The following FAM13A variants were observed in gnomAD, a reference collection of about 807,000 sequenced individuals.
FAM13A encodes the protein family with sequence similarity 13 member A, also known as protein FAM13A.
A neutral mutation model predicts 129.6 loss-of-function variants in FAM13A; 76 were observed. The ratio of observed to expected loss-of-function variants is 0.59; its 90% CI spans 0.49 to 0.71. FAM13A has a LOEUF of 0.71. Among genes scored for constraint, FAM13A ranks in the 30% least tolerant of loss-of-function variants. The pLI, the probability that FAM13A is intolerant of heterozygous loss-of-function variation, is 0.00. For missense variants in FAM13A, 1,108 were observed against 1,249.3 expected, an observed-to-expected ratio of 0.89 and a Z score of 1.70; for synonymous variants, 443 against 449.9, an observed-to-expected ratio of 0.98 and a Z score of 0.20.
chr4:89,035,760 C>A (rs1435150807), intron 1 of FAM13A, among the ~76,000 whole-genome samples: 1 of 152,184 alleles, frequency 6.6e-6, no homozygotes. Context: ...TTCCTCTCTT[C>A]CTCTTTCTCT....
chr4:88,814,572 G>T (rs1480638971), intron 7 of FAM13A, among the ~76,000 whole-genome samples: 1 of 152,142 alleles, frequency 6.6e-6, no homozygotes, highest in Non-Finnish European at 1.5e-5. Context: ...AAAGAGGAAA[G>T]TCACTTATAA....
chr4:88,958,276 T>C (rs539926319), intron 4 of FAM13A, among the ~76,000 whole-genome samples: 2 of 152,330 alleles, frequency 1.3e-5, no homozygotes, highest in East Asian at 3.9e-4. Flanking sequence ...TCCTGGGCCA[T>C]GTCCAGGGCC....
chr4:88,747,199 C>G lies in FAM13A; in HGVS notation c.2383-184G>C, dbSNP rs556999724. 2.0e-5 allele frequency among the ~76,000 whole-genome samples: 3 copies of G among 152,272 alleles called. No homozygotes were observed. The East Asian group carries it at 5.8e-4, about 29-fold the overall frequency. On this transcript the variant is annotated intron_variant, in intron 18 of 23. Coordinates refer to ENST00000264344, the MANE Select transcript of FAM13A (RefSeq NM_014883.4). ...GCTCTTGGGAGAAACGTGGCCAGCA[C>G]AGCAGAATCATCATCAGCCACCTGG...
chr4:89,017,063 T>A (rs1795730), intron 3 of FAM13A, among the ~76,000 whole-genome samples: 15,950 of 152,288 alleles, frequency 0.1, 905 homozygotes, highest in African/African-American at 0.14. Flanking sequence ...GGCTATGCCA[T>A]ATAGCCTACG....
chr4:88,895,885 A>G (rs1453155667), intron 6 of FAM13A, among the ~76,000 whole-genome samples: 1 of 146,160 alleles, frequency 6.8e-6, no homozygotes, highest in Non-Finnish European at 1.5e-5. Context: ...ATCTAGAACT[A>G]GAAATACCAT....
chr4:88,749,042 AG>A lies in FAM13A; in HGVS notation c.2080-10del. ...TTGTCACTGTGGGAAGGCTGAGAAA[AG>A]GAAGTCTAGAGTAAATGCTTTGGAA... is the stretch of plus-strand genomic sequence containing the variant. On this transcript the variant is annotated splice_polypyrimidine_tract_variant and intron_variant, in intron 16 of 23. Transcript: ENST00000264344. The A allele has an allele frequency of 6.2e-7, 1 of 1,602,522 alleles. No homozygotes were observed. Among genetic ancestry groups the A allele is most frequent in the Non-Finnish European group, 8.5e-7 (1 of 1,169,798 alleles).
intron 9 of FAM13A, among the ~76,000 whole-genome samples, chr4:88,789,818 T>G (rs1724758790): frequency 6.6e-6 from 1 of 151,810 alleles, no homozygotes; most frequent in Admixed American, 6.6e-5. Flanking sequence ...GAGGAGTGAA[T>G]GAGAAAAAAG....
intron 3 of FAM13A, among the ~76,000 whole-genome samples, chr4:88,996,627 A>G (rs1763576977): frequency 6.6e-6 from 1 of 152,220 alleles, no homozygotes; most frequent in South Asian, 2.1e-4. Flanking sequence ...ACATTAGGCA[A>G]TAAATATAGT....
intron 5 of FAM13A, among the ~76,000 whole-genome samples, chr4:88,923,231 G>A (rs1751443030): frequency 6.6e-6 from 1 of 152,146 alleles, no homozygotes; most frequent in South Asian, 2.1e-4. Flanking sequence ...ACCAAAGCCT[G>A]GCAGAGACAC....
intron 5 of FAM13A, among the ~76,000 whole-genome samples, chr4:88,913,713 G>A (rs1749595454): frequency 6.6e-6 from 1 of 152,192 alleles, no homozygotes; most frequent in Non-Finnish European, 1.5e-5. Flanking sequence ...AGTGACTCAA[G>A]AGTTGATACA....
chr4:88,902,735 C>T (rs1225191406), intron 6 of FAM13A, among the ~76,000 whole-genome samples: 1 of 152,130 alleles, frequency 6.6e-6, no homozygotes, highest in African/African-American at 2.4e-5. Context: ...TCCCATTCAA[C>T]ATAATATCAG....
At chr4:88,899,374 G>A (rs1324676907) in intron 6 of FAM13A, among the ~76,000 whole-genome samples, 10 of 151,886 alleles carry the variant, frequency 6.6e-5, no homozygotes, top group Admixed American at 6.6e-4. Flanking sequence ...GCTACAAATT[G>A]GGTGCAGTGT....
At chr4:88,945,128 A>T (rs557275275) in intron 4 of FAM13A, among the ~76,000 whole-genome samples, 1 of 152,336 alleles carries the variant, frequency 6.6e-6, no homozygotes, top group African/African-American at 2.4e-5. Context: ...AGAAAACTAC[A>T]TTATACCTGT....
intron 10 of FAM13A, among the ~76,000 whole-genome samples, chr4:88,785,681 A>T (rs1723821901): frequency 6.6e-6 from 1 of 152,220 alleles, no homozygotes; most frequent in African/African-American, 2.4e-5. Flanking sequence ...GGGTTGCAGG[A>T]AATGACTACT....
intron 1 of FAM13A, among the ~76,000 whole-genome samples, chr4:89,038,461 A>AT (rs1325887046): frequency 2.0e-5 from 3 of 149,924 alleles, no homozygotes; most frequent in African/African-American, 7.4e-5. Flanking sequence ...CCAGAAAGCA[A>AT]TAAAAAAAAA....
chr4:88,979,567 G>A (rs9307057), intron 4 of FAM13A, among the ~76,000 whole-genome samples: 105,149 of 151,492 alleles, frequency 0.69, 36,569 homozygotes, highest in Middle Eastern at 0.79. Flanking sequence ...AATAGTACTT[G>A]CCTCATAGGG....
chr4:88,967,133 G>A (rs1759460653), intron 4 of FAM13A, among the ~76,000 whole-genome samples: 1 of 152,166 alleles, frequency 6.6e-6, no homozygotes, highest in Non-Finnish European at 1.5e-5. Flanking sequence ...GATAGTACAT[G>A]TAATTTCTTT....
At chr4:88,876,414 T>C (rs368056992) in intron 6 of FAM13A, among the ~76,000 whole-genome samples, 1 of 152,130 alleles carries the variant, frequency 6.6e-6, no homozygotes, top group East Asian at 1.9e-4. Context: ...CTATCACCAC[T>C]CTGTAGTATC....
In FAM13A at chr4:88,767,576, C is replaced by T. The variant is rs1745925420; in HGVS notation, c.1555G>A (p.Gly519Ser). 1.2e-6 allele frequency: 2 copies of T among 1,601,636 alleles called. No individual in the cohort carries two copies. Among genetic ancestry groups the T allele is most frequent in the Non-Finnish European group, 8.5e-7 (1 of 1,176,720 alleles). The part of the protein sequence containing the change: ...SDERKGNEKD[G>S]GHTQHFESPT... ...ACCTCAAAATGCTGAGTGTGTCCAC[C>T]ATCTTTTTCATTTCCTTTCCTATAA... The change falls in exon 13 of 24, where the codon GGT becomes AGT. Residue 519 changes from glycine (G) to serine (S), a missense_variant. This residue lies in a region of FAM13A where 13 missense variants were observed against 32.4 expected (regional missense o/e 0.40). Coordinates refer to ENST00000264344, the MANE Select transcript of FAM13A (RefSeq NM_014883.4).
Sources: gnomAD v4.1 joint callset for allele counts (sites outside exome capture counted in the v4.1 genomes callset) on GRCh38, gnomAD v4.1.1 for gene constraint, gnomAD v4.1.1 regional missense constraint, MANE v1.5 for transcripts, NCBI Gene and HGNC (gene_info 2026-07-23, HGNC 2026-07-21) for gene names.